NKAIN3: variants seen among roughly 807,000 people sequenced by gnomAD.
The protein encoded by NKAIN3 is sodium/potassium-transporting ATPase subunit beta-1-interacting protein 3.
In NKAIN3, 25 loss-of-function variants were observed where a neutral mutation model predicts 30.2. The observed-to-expected ratio is 0.83, with a 90% CI of 0.60 to 1.16. The LOEUF is 1.16. Ranked by LOEUF, NKAIN3 falls within the 50% of genes most tolerant of loss-of-function variation. NKAIN3 has a pLI of 0.00. For missense variants in NKAIN3, 225 were observed against 254.1 expected (o/e 0.89, Z 0.78); for synonymous variants, 91 against 89.6 (o/e 1.02, Z -0.09).
At chr8:62,443,400 T>C (rs11997427) in intron 1 of NKAIN3, among the ~76,000 whole-genome samples, 161 of 152,224 alleles carry the variant, frequency 1.1e-3, no homozygotes, top group African/African-American at 3.8e-3. Context: ...ATTTTATTTT[T>C]TGAGACAAAG....
chr8:62,864,216 G>T, intron 4 of NKAIN3: 3 of 699,658 alleles, frequency 4.3e-6, no homozygotes, highest in Non-Finnish European at 7.3e-6. Context: ...ATACTGCGCA[G>T]AAGTGAAACT....
At chr8:62,479,758 C>T (rs1271428095) in intron 1 of NKAIN3, among the ~76,000 whole-genome samples, 6 of 152,052 alleles carry the variant, frequency 3.9e-5, no homozygotes, top group Non-Finnish European at 8.8e-5. Context: ...TGAGGAATGT[C>T]CCAGCCCTCA....
At chr8:62,892,098 A>G (rs771412151) in intron 4 of NKAIN3, among the ~76,000 whole-genome samples, 3 of 152,226 alleles carry the variant, frequency 2.0e-5, no homozygotes, top group Non-Finnish European at 4.4e-5. Context: ...GCCTTAATTC[A>G]TTTTAGCAAG....
chr8:62,819,083 T>G (rs982600952), intron 4 of NKAIN3, among the ~76,000 whole-genome samples: 3 of 150,614 alleles, frequency 2.0e-5, no homozygotes, highest in Admixed American at 6.7e-5. Context: ...AGTAATGGCA[T>G]GCCCAAAGAT....
At chr8:62,498,401 T>G (rs1250724923) in intron 1 of NKAIN3, among the ~76,000 whole-genome samples, 1 of 152,088 alleles carries the variant, frequency 6.6e-6, no homozygotes, top group African/African-American at 2.4e-5. Context: ...ATTCCCTACC[T>G]TTCAGCTCCA....
At chr8:62,423,895 G>A (rs1277259260) in intron 1 of NKAIN3, among the ~76,000 whole-genome samples, 1 of 152,024 alleles carries the variant, frequency 6.6e-6, no homozygotes, top group African/African-American at 2.4e-5. Flanking sequence ...GCAGCAGCAT[G>A]ATGCATTTCA....
chr8:62,809,602 G>C (rs1818422403), intron 4 of NKAIN3, among the ~76,000 whole-genome samples: 1 of 152,100 alleles, frequency 6.6e-6, no homozygotes. Flanking sequence ...CAATTGTATA[G>C]GTTCTTAAGT....
intron 4 of NKAIN3, among the ~76,000 whole-genome samples, chr8:62,866,160 C>T (rs1820406815): frequency 6.6e-6 from 1 of 152,166 alleles, no homozygotes; most frequent in African/African-American, 2.4e-5. Context: ...TGTCATAATG[C>T]CTCCTCTGGG....
intron 3 of NKAIN3, among the ~76,000 whole-genome samples, chr8:62,651,060 AT>A (rs1812606378): frequency 6.6e-6 from 1 of 151,854 alleles, no homozygotes; most frequent in Admixed American, 6.6e-5. Flanking sequence ...TAAGATGTGT[AT>A]TTTTTAATAA....
chr8:62,739,056 T>C (rs114385204), intron 3 of NKAIN3, among the ~76,000 whole-genome samples: 4,092 of 152,068 alleles, frequency 0.027, 194 homozygotes, highest in African/African-American at 0.093. Context: ...ATAAGTGCAA[T>C]TGAACAATGA....
At chr8:62,398,717 G>C (rs903329025) in intron 1 of NKAIN3, among the ~76,000 whole-genome samples, 1 of 152,216 alleles carries the variant, frequency 6.6e-6, no homozygotes, top group Non-Finnish European at 1.5e-5. Context: ...TCCTGTTTTA[G>C]TTATGATTGT....
At chr8:62,582,895 G>A (rs1156568003) in intron 2 of NKAIN3, among the ~76,000 whole-genome samples, 1 of 152,130 alleles carries the variant, frequency 6.6e-6, no homozygotes, top group Non-Finnish European at 1.5e-5. Flanking sequence ...CAGGAGGGCT[G>A]AGAGTCTGCA....
chr8:62,723,184 G>GT (rs903419373), intron 3 of NKAIN3, among the ~76,000 whole-genome samples: 2 of 151,984 alleles, frequency 1.3e-5, no homozygotes, highest in East Asian at 1.9e-4. Context: ...ATAATTATAT[G>GT]TTTTTTAAAA....
chr8:62,313,225 T>A (rs1374982472), intron 1 of NKAIN3, among the ~76,000 whole-genome samples: 1 of 152,138 alleles, frequency 6.6e-6, no homozygotes, highest in East Asian at 1.9e-4. Context: ...AAGCACTAAT[T>A]TATGTAAACC....
At chr8:62,602,616 G>A (rs559083029) in intron 3 of NKAIN3, among the ~76,000 whole-genome samples, 1 of 152,120 alleles carries the variant, frequency 6.6e-6, no homozygotes, top group African/African-American at 2.4e-5. Context: ...TACCAAAGCT[G>A]ACCTTGTTTT....
intron 1 of NKAIN3, among the ~76,000 whole-genome samples, chr8:62,288,976 A>T (rs1042913702): frequency 2.2e-4 from 33 of 152,158 alleles, no homozygotes; most frequent in African/African-American, 7.7e-4. Flanking sequence ...TTTGATTTGC[A>T]CTTCTCTGAT....
chr8:62,574,527 C>T (rs1901408), intron 1 of NKAIN3, among the ~76,000 whole-genome samples: 80,138 of 151,966 alleles, frequency 0.53, 21,661 homozygotes, highest in Middle Eastern at 0.61. Flanking sequence ...TCAAATTATA[C>T]TACAGAGCTA....
At chr8:62,381,879 T>C (rs1817291462) in intron 1 of NKAIN3, among the ~76,000 whole-genome samples, 1 of 152,178 alleles carries the variant, frequency 6.6e-6, no homozygotes. Context: ...TAACTTCTGG[T>C]TAAATTCCAT....
chr8:62,455,680 T>A (rs1333698811), intron 1 of NKAIN3, among the ~76,000 whole-genome samples: 1 of 152,200 alleles, frequency 6.6e-6, no homozygotes, highest in Non-Finnish European at 1.5e-5. Flanking sequence ...ATGAACGTAG[T>A]TTCAATCTCA....
Sources: gnomAD v4.1 joint callset for allele counts (sites outside exome capture counted in the v4.1 genomes callset) on GRCh38, gnomAD v4.1.1 for gene constraint, MANE v1.5 for transcripts, NCBI Gene and HGNC (gene_info 2026-07-23, HGNC 2026-07-21) for gene names.